Variants in MYO9A observed in about 807,000 individuals in gnomAD.
The protein encoded by MYO9A is unconventional myosin-IXa.
MYO9A carries 103 observed loss-of-function variants against 293.3 expected under a neutral mutation model. The observed-to-expected ratio is 0.35, with a 90% CI of 0.30 to 0.41. The LOEUF is 0.41. Ranked by LOEUF, MYO9A falls within the 10% of genes least tolerant of loss-of-function variation. The pLI is 1.00. For synonymous variants in MYO9A, 1,001 were observed against 1,035.7 expected (o/e 0.97, Z 0.64); for missense variants, 2,685 against 3,033.0 (o/e 0.89, Z 2.69).
chr15:71,823,132 A>C lies in MYO9A; in HGVS notation c.*3448T>G, dbSNP rs954275174. 1.3e-5 allele frequency: 2 copies of C among 151,888 alleles called. No homozygotes were observed. Among genetic ancestry groups the C allele is most frequent in the African/African-American group, 2.4e-5 (1 of 41,340 alleles). 9.4% of individuals were successfully genotyped at this position (151,888 alleles called of 1,614,324 possible). A position where few individuals can be genotyped will look rare whatever the true frequency, so the allele number is the denominator to read the frequency against. ...GAGAGGAGGATGAGGAAAGCCATGG[A>C]GTGAGTATGTATGTTTCTTTTTAAA... is the stretch of plus-strand genomic sequence containing the variant. On this transcript the variant is annotated 3_prime_UTR_variant, in exon 42 of 42. Transcript: ENST00000356056.
chr15:72,097,185 T>A (rs1400334576), intron 1 of MYO9A, among the ~76,000 whole-genome samples: 1 of 152,228 alleles, frequency 6.6e-6, no homozygotes, highest in African/African-American at 2.4e-5. Flanking sequence ...CACTGCATGC[T>A]ACAGACAAAT....
At chr15:71,978,077 CTCT>C (rs996519056) in intron 12 of MYO9A, 91 bp downstream of exon 12, 1 of 1,411,198 alleles carries the variant, frequency 7.1e-7, no homozygotes, top group African/African-American at 1.5e-5. Flanking sequence ...AAAAATTTGG[CTCT>C]TTATTTGGTA....
chr15:71,853,123 T>C (rs2055724645), intron 35 of MYO9A, among the ~76,000 whole-genome samples: 1 of 122,500 alleles, frequency 8.2e-6, no homozygotes, highest in Non-Finnish European at 1.8e-5. Flanking sequence ...GAATGAATGT[T>C]TTCGTGCTGA....
chr15:71,847,439 C>T, intron 39 of MYO9A: 1 of 454,490 alleles, frequency 2.2e-6, no homozygotes, highest in Non-Finnish European at 4.4e-6. Context: ...GGGTAATGTT[C>T]ATGAATCTAA....
intron 15 of MYO9A, among the ~76,000 whole-genome samples, chr15:71,950,602 T>C (rs1351430652): frequency 6.6e-6 from 1 of 152,228 alleles, no homozygotes; most frequent in Non-Finnish European, 1.5e-5. Context: ...TTTAAGGATG[T>C]CTTTTTAAAA....
chr15:71,855,600 C>T (rs371808531), intron 34 of MYO9A, among the ~76,000 whole-genome samples: 210 of 152,212 alleles, frequency 1.4e-3, no homozygotes, highest in African/African-American at 4.6e-3. Context: ...TTCTCCTGTA[C>T]CATTGTCCTT....
intron 19 of MYO9A, among the ~76,000 whole-genome samples, chr15:71,910,657 T>C (rs943277566): frequency 6.6e-6 from 1 of 152,202 alleles, no homozygotes; most frequent in Non-Finnish European, 1.5e-5. Flanking sequence ...ATTTCAGCCA[T>C]GTTGGCAAGT....
chr15:72,041,073 C>T, intron 2 of MYO9A: 5 of 454,040 alleles, frequency 1.1e-5, no homozygotes, highest in South Asian at 7.0e-5. Context: ...GGTAAAACTC[C>T]ATCTCTACAA....
chr15:71,917,782 A>T (rs1016416540), intron 18 of MYO9A, among the ~76,000 whole-genome samples: 1 of 152,198 alleles, frequency 6.6e-6, no homozygotes, highest in Non-Finnish European at 1.5e-5. Context: ...TTAAAAAGTA[A>T]TCAAAAATCT....
intron 2 of MYO9A, chr15:72,041,214 G>T: frequency 7.2e-7 from 1 of 1,382,604 alleles, no homozygotes. Context: ...TATGGCTACA[G>T]CATATTCTTC....
intron 32 of MYO9A, among the ~76,000 whole-genome samples, chr15:71,875,086 A>G (rs2056640785): frequency 6.6e-6 from 1 of 152,076 alleles, no homozygotes; most frequent in Non-Finnish European, 1.5e-5. Context: ...TCATCCTTGT[A>G]ATTGCACAAA....
At chr15:71,961,862 G>C (rs1354885955) in intron 13 of MYO9A, among the ~76,000 whole-genome samples, 1 of 152,070 alleles carries the variant, frequency 6.6e-6, no homozygotes, top group African/African-American at 2.4e-5. Context: ...TGTGAGTACA[G>C]ATGTGCATCA....
intron 2 of MYO9A, among the ~76,000 whole-genome samples, chr15:72,034,482 G>GT (rs2077980153): frequency 6.6e-6 from 1 of 152,144 alleles, no homozygotes; most frequent in African/African-American, 2.4e-5. Context: ...CTGTATCTTA[G>GT]TAAGTCATGG....
At chr15:71,888,187 G>A in intron 26 of MYO9A, 71 bp from the exon 27 acceptor site, 2 of 804,176 alleles carry the variant, frequency 2.5e-6, no homozygotes, top group South Asian at 1.8e-5. Context: ...TTAAATTCAG[G>A]TTACAGAATT....
At chr15:72,091,848 G>A (rs1021353010) in intron 1 of MYO9A, among the ~76,000 whole-genome samples, 3 of 151,836 alleles carry the variant, frequency 2.0e-5, no homozygotes, top group African/African-American at 7.2e-5. Flanking sequence ...CCGAGTAGCT[G>A]GGACTACAGG....
chr15:71,968,194 C>A (rs565552827), intron 12 of MYO9A, 69 bp from the exon 13 acceptor site: 1 of 1,306,386 alleles, frequency 7.7e-7, no homozygotes, highest in African/African-American at 1.5e-5. Context: ...TAGTACAGCC[C>A]TTTTCAAAGT....
At chr15:71,846,103 C>CCAA (rs2055373989) in intron 39 of MYO9A, among the ~76,000 whole-genome samples, 1 of 152,116 alleles carries the variant, frequency 6.6e-6, no homozygotes, top group African/African-American at 2.4e-5. Flanking sequence ...GGTGTGAATG[C>CCAA]CAACACCCAG....
rs1297217758 is a variant in MYO9A at position 72,088,942 on chromosome 15, TCTCTG to T, written c.-72+28733_-72+28737del. The stretch of plus-strand genomic sequence containing the variant: ...TTATCCACAGTCATCCAGTCTCCCT[TCTCTG>T]GTCAATGATGTACACTTTTGCAGAA... On this transcript the variant is annotated intron_variant, in intron 1 of 41. Transcript: ENST00000356056. Among the ~76,000 whole-genome samples, 273 of 152,318 alleles carry T rather than the reference TCTCTG, an allele frequency of 1.8e-3. 4 individuals are homozygous for T. Among genetic ancestry groups the T allele is most frequent in the Non-Finnish European group, 5.9e-5 (4 of 68,022 alleles).
At chr15:72,000,204 T>C (rs887927201) in intron 8 of MYO9A, among the ~76,000 whole-genome samples, 3 of 152,154 alleles carry the variant, frequency 2.0e-5, no homozygotes, top group African/African-American at 7.2e-5. Context: ...ATACAGAAAA[T>C]ATAGAATAGT....
Sources: gnomAD v4.1 joint callset for allele counts (sites outside exome capture counted in the v4.1 genomes callset) on GRCh38, gnomAD v4.1.1 for gene constraint, MANE v1.5 for transcripts, NCBI Gene and HGNC (gene_info 2026-07-23, HGNC 2026-07-21) for gene names.